Variants in GNAO1 observed in about 807,000 individuals in gnomAD.
The protein encoded by GNAO1 is guanine nucleotide-binding protein G(o) subunit alpha.
For missense variants in GNAO1, 166 were observed against 478.7 expected (o/e 0.35, Z 6.10); for synonymous variants, 164 against 180.7 (o/e 0.91, Z 0.74).
chr16:56,294,237 C>T (rs2143566901), intron 3 of GNAO1, among the ~76,000 whole-genome samples: 2 of 152,070 alleles, frequency 1.3e-5, no homozygotes, highest in Middle Eastern at 6.8e-3. Context: ...CTTCAAGCTT[C>T]CCATAGGCGG....
chr16:56,200,910 A>C (rs188514611), intron 2 of GNAO1, among the ~76,000 whole-genome samples: 1 of 152,336 alleles, frequency 6.6e-6, no homozygotes, highest in Admixed American at 6.5e-5. Context: ...TCAGATTGCA[A>C]CAGAGAGAAG....
rs1293463458 is a variant in GNAO1, at chr16:56,308,598, C to G, written c.304-20033C>G. Among the ~76,000 whole-genome samples the G allele has an allele frequency of 2.0e-5, 3 of 152,090 alleles. No individual in the cohort carries two copies. The East Asian group carries it at 5.8e-4, about 29-fold the overall frequency. Reference sequence around the variant, plus strand: ...GAGGAAAATCAGGCAGGATCTGGCTCAGGGAGAAGGTGGCTCGGGAAAGCA... The same window carrying G: ...GAGGAAAATCAGGCAGGATCTGGCTGAGGGAGAAGGTGGCTCGGGAAAGCA... On this transcript the variant is annotated intron_variant, in intron 3 of 8. Transcript: ENST00000262493.
At chr16:56,332,153 C>T (rs1278505777) in intron 4 of GNAO1, among the ~76,000 whole-genome samples, 2 of 152,150 alleles carry the variant, frequency 1.3e-5, no homozygotes, top group Non-Finnish European at 2.9e-5. Flanking sequence ...GCAACAGGGC[C>T]GTTGTCAACA....
In GNAO1 at chr16:56,331,677, T is replaced by C. The variant is rs75882180; in HGVS notation, c.464+2886T>C. Among the ~76,000 whole-genome samples, 1,200 of 152,258 alleles carry C rather than the reference T, an allele frequency of 7.9e-3. 19 individuals carry two copies. The highest frequency in any genetic ancestry group is 0.028 in the African/African-American group (1,167 of 41,538). ...GGGAGGTCTGCTGGGGGCTGCTGTA[T>C]CCCGTCCCCAAGCTCCATCCCAGAA... On this transcript the variant is annotated intron_variant, in intron 4 of 8. Coordinates refer to ENST00000262493, the MANE Select transcript of GNAO1 (RefSeq NM_020988.3).
intron 3 of GNAO1, among the ~76,000 whole-genome samples, chr16:56,325,883 G>A (rs1263868018): frequency 6.6e-6 from 1 of 152,182 alleles, no homozygotes; most frequent in Admixed American, 6.5e-5. Context: ...ATGGGTTGGG[G>A]GACGCTTGTC....
At chr16:56,288,207 T>G (rs2037192827) in intron 3 of GNAO1, among the ~76,000 whole-genome samples, 1 of 152,230 alleles carries the variant, frequency 6.6e-6, no homozygotes, top group African/African-American at 2.4e-5. Flanking sequence ...GCTGAGTGCT[T>G]TGTGCACCAT....
At chr16:56,203,309 GC>G (rs2036297208) in intron 2 of GNAO1, among the ~76,000 whole-genome samples, 1 of 152,034 alleles carries the variant, frequency 6.6e-6, no homozygotes, top group African/African-American at 2.4e-5. Flanking sequence ...CATTCCTCTG[GC>G]CACAGTGATT....
In GNAO1 at chr16:56,192,278, C is replaced by T; in HGVS notation, c.43C>T (p.Arg15Trp). The T allele has an allele frequency of 6.2e-7, 1 of 1,610,180 alleles. No individual in the cohort carries two copies. The highest frequency in any genetic ancestry group is 8.5e-7 in the Non-Finnish European group (1 of 1,177,964). ...LSAEERAALE[R>W]SKAIEKNLKE... Reference sequence around the variant, plus strand: ...CGCAGAGGAGAGAGCCGCCCTCGAGCGGAGCAAGGCGATTGAGAAAAACCT... The same window carrying T: ...CGCAGAGGAGAGAGCCGCCCTCGAGTGGAGCAAGGCGATTGAGAAAAACCT... Residue 15 changes from arginine (R) to tryptophan (W), a missense_variant, in exon 1 of 9, where the codon CGG (arginine) becomes TGG (tryptophan). Transcript: ENST00000262493.
chr16:56,277,281 C>T (rs1478840975), intron 3 of GNAO1, among the ~76,000 whole-genome samples: 5 of 152,150 alleles, frequency 3.3e-5, no homozygotes. Flanking sequence ...GTGGATTCTG[C>T]AAAGGAAGCA....
chr16:56,314,429 C>T (rs2037488148), intron 3 of GNAO1, among the ~76,000 whole-genome samples: 1 of 152,206 alleles, frequency 6.6e-6, no homozygotes, highest in Non-Finnish European at 1.5e-5. Flanking sequence ...CTCAGCCTTT[C>T]CCCAGTACAG....
At chr16:56,304,206 C>T (rs2037371428) in intron 3 of GNAO1, among the ~76,000 whole-genome samples, 1 of 152,170 alleles carries the variant, frequency 6.6e-6, no homozygotes, top group Admixed American at 6.5e-5. Flanking sequence ...GAGCAGAGAC[C>T]CTGCTGCCCC....
intron 2 of GNAO1, among the ~76,000 whole-genome samples, chr16:56,256,718 CTGTGTGTGTGTGTGTGTGTGTG>C (rs199786327): frequency 1.4e-5 from 1 of 72,214 alleles, no homozygotes. Context: ...CTCTCTCTCT[CTGTGTGTGTGTGTGTGTGTGTG>C]TGTGTGTGTG....
At chr16:56,245,685 C>T (rs1196818605) in intron 2 of GNAO1, 2 of 154,230 alleles carry the variant, frequency 1.3e-5, no homozygotes, top group Non-Finnish European at 2.9e-5. Context: ...ACAAGAAGCC[C>T]AAGGGAAGTT....
chr16:56,325,090 C>T (rs1346499417), intron 3 of GNAO1, among the ~76,000 whole-genome samples: 29 of 152,346 alleles, frequency 1.9e-4, no homozygotes, highest in Admixed American at 1.3e-3. Context: ...TCTAGAGCCA[C>T]GTGCCATGGG....
chr16:56,209,023 G>GT (rs1167396626), intron 2 of GNAO1, among the ~76,000 whole-genome samples: 25 of 151,526 alleles, frequency 1.6e-4, no homozygotes, highest in East Asian at 7.7e-4. Flanking sequence ...TTTGGTTAGT[G>GT]TTTTTTTTGT....
intron 2 of GNAO1, among the ~76,000 whole-genome samples, chr16:56,212,280 G>C (rs11647097): frequency 6.6e-5 from 10 of 152,058 alleles, no homozygotes; most frequent in Non-Finnish European, 1.5e-4. Context: ...CCTTTGTCCC[G>C]ATGGCTCCAA....
intron 2 of GNAO1, among the ~76,000 whole-genome samples, chr16:56,228,961 G>A (rs1360201806): frequency 6.6e-6 from 1 of 152,228 alleles, no homozygotes; most frequent in African/African-American, 2.4e-5. Context: ...TGCTCCATGA[G>A]AGCAAGGATT....
chr16:56,294,069 G>A (rs1166650911), intron 3 of GNAO1, among the ~76,000 whole-genome samples: 1 of 152,200 alleles, frequency 6.6e-6, no homozygotes, highest in Non-Finnish European at 1.5e-5. Flanking sequence ...AGCTGAGAAA[G>A]GTTAAGTCGC....
rs1451852332 is a variant in GNAO1, at chr16:56,326,498, G to A, written c.304-2133G>A. Among the ~76,000 whole-genome samples the A allele has an allele frequency of 6.6e-6, 1 of 152,218 alleles. No individual in the cohort carries two copies. The highest frequency in any genetic ancestry group is 2.4e-5 in the African/African-American group (1 of 41,458). On this transcript the variant is annotated intron_variant, in intron 3 of 8. Transcript: ENST00000262493. The surrounding 1 kb of genome is among the most constrained non-coding windows in gnomAD (Gnocchi z 4.8). ...GGTGAGACAAGGAGTTTATTTGGGAGGTCATTTCAGGAAGCACCGAGGAAG... is the reference window on the plus strand; with the variant it reads ...GGTGAGACAAGGAGTTTATTTGGGAAGTCATTTCAGGAAGCACCGAGGAAG...
Sources: allele counts gnomAD v4.1 joint callset (sites outside exome capture counted in the v4.1 genomes callset), GRCh38; gene constraint gnomAD v4.1.1; non-coding constraint Gnocchi (gnomAD v3.1); transcripts MANE v1.5; gene names NCBI Gene and HGNC (gene_info 2026-07-23, HGNC 2026-07-21).